The following TMEM54 variants were observed in gnomAD, a reference collection of about 807,000 sequenced individuals.
TMEM54 encodes transmembrane protein 54, also known as beta-casein-like protein.
A neutral mutation model predicts 21.3 loss-of-function variants in TMEM54; 21 were observed. The ratio of observed to expected loss-of-function variants is 0.99; its 90% CI spans 0.70 to 1.42. The LOEUF (loss-of-function observed/expected upper bound fraction) is 1.42, where lower values mean the gene tolerates loss of function less well. Among genes scored for constraint, TMEM54 ranks in the 40% most tolerant of loss-of-function variants. The pLI is 0.00. For missense variants in TMEM54, 246 were observed against 294.0 expected (o/e 0.84, Z 1.19); for synonymous variants, 109 against 125.0 (o/e 0.87, Z 0.86).
rs1404201511 is a variant in TMEM54 at position 32,895,544 on chromosome 1, T to A, written c.459+11A>T. Reference sequence around the variant, plus strand: ...GGGCCTGGTGCCCCTACTCCAGGCCTAGGTACTCACATAAATGCGTGTGGG... The same window carrying A: ...GGGCCTGGTGCCCCTACTCCAGGCCAAGGTACTCACATAAATGCGTGTGGG... On this transcript the variant is annotated intron_variant, in intron 4 of 5. Coordinates refer to ENST00000373463, the MANE Select transcript of TMEM54 (RefSeq NM_033504.4). The surrounding 1 kb of genome is among the most constrained non-coding windows in gnomAD (Gnocchi z 5.8). 6.3e-7 allele frequency: 1 copy of A among 1,592,804 alleles called. No individual in the cohort carries two copies. Among genetic ancestry groups the A allele is most frequent in the Admixed American group, 1.8e-5 (1 of 55,952 alleles).
intron 1 of TMEM54, among the ~76,000 whole-genome samples, chr1:32,899,391 GAAAAAAA>G (rs11284140): frequency 8.1e-6 from 1 of 122,998 alleles, no homozygotes. Context: ...CTCTGCAGCT[GAAAAAAA>G]AAAAAAAAAA....
At position 32,897,272 on chromosome 1, in the gene TMEM54, C is replaced by G. The variant is rs751244780; in HGVS notation, c.210+854G>C. Among the ~76,000 whole-genome samples, 2 of 152,196 alleles carry G rather than the reference C, an allele frequency of 1.3e-5. No homozygotes were observed. The highest frequency in any genetic ancestry group is 2.9e-5 in the Non-Finnish European group (2 of 68,032). On this transcript the variant is annotated intron_variant, in intron 2 of 5. Transcript: ENST00000373463. The surrounding 1 kb of genome is among the most constrained non-coding windows in gnomAD (Gnocchi z 4.9). ...AGCAGGCTGTCTGAGCTTTATTTTG[C>G]AAGGGAGGAACAGGCCTAGAGAGAG...
chr1:32,895,746 G>T lies in TMEM54; in HGVS notation c.271-3C>A, dbSNP rs199763115. The T allele has an allele frequency of 2.9e-4, 458 of 1,554,260 alleles. 2 individuals are homozygous for T. The African/African-American group carries it at 4.8e-3, about 16-fold the overall frequency. On this transcript the variant is annotated splice_region_variant and splice_polypyrimidine_tract_variant and intron_variant, in intron 3 of 5. Coordinates refer to ENST00000373463, the MANE Select transcript of TMEM54 (RefSeq NM_033504.4). This position sits in a 1 kb window ranked among gnomAD's most constrained non-coding sequence, Gnocchi z 5.8. ...CTCGAGCTAAACACTGTCCAGCGCT[G>T]GACGGGGGAGGCCACTGGTCAATGG...
At position 32,901,176 on chromosome 1, in the gene TMEM54, G is replaced by C; in HGVS notation, c.16+47C>G. ...CGGGCTCAGTGCTCCGCTCCTGTGG[G>C]AGGGTTGGGGTGGTTCGGGGCCTCC... On this transcript the variant is annotated intron_variant, in intron 1 of 5. Coordinates refer to ENST00000373463, the MANE Select transcript of TMEM54 (RefSeq NM_033504.4). The surrounding 1 kb of genome is among the most constrained non-coding windows in gnomAD (Gnocchi z 4.2). The C allele has an allele frequency of 2.1e-6, 3 of 1,453,090 alleles. No individual in the cohort carries two copies. Among genetic ancestry groups the C allele is most frequent in the Non-Finnish European group, 2.8e-6 (3 of 1,085,890 alleles). 90.0% of individuals were successfully genotyped at this position (1,453,090 alleles called of 1,614,324 possible). A position where few individuals can be genotyped will look rare whatever the true frequency, so the allele number is the denominator to read the frequency against.
rs1377199207 is a variant in TMEM54 at position 32,898,185 on chromosome 1, C to T, written c.151G>A (p.Asp51Asn). ...ACGCAGTACTGCAGAGCCACCGCAT[C>T]TTGAGGGGTGCCCACGTAGCGCAGC... ...TVLRYVGTPQ[D>N]AVALQYCVVN... The change falls in exon 2 of 6, where the codon GAT becomes AAT. Residue 51 changes from aspartate (D) to asparagine (N), a missense_variant. Transcript: ENST00000373463. 1.2e-6 allele frequency: 2 copies of T among 1,612,746 alleles called. No individual in the cohort carries two copies. Among genetic ancestry groups the T allele is most frequent in the African/African-American group, 2.7e-5 (2 of 74,910 alleles).
chr1:32,900,343 G>A (rs375830776), intron 1 of TMEM54, among the ~76,000 whole-genome samples: 17 of 152,164 alleles, frequency 1.1e-4, no homozygotes, highest in African/African-American at 3.4e-4. Context: ...GGGCTCAGGT[G>A]ATCCTTCCAC....
rs1343287074 is a variant in TMEM54 at position 32,898,196 on chromosome 1, C to A, written c.140G>T (p.Gly47Val). 6.2e-7 allele frequency: 1 copy of A among 1,613,032 alleles called. No individual in the cohort carries two copies. The highest frequency in any genetic ancestry group is 1.1e-5 in the South Asian group (1 of 91,066). The change falls in exon 2 of 6, where the codon GGC (glycine) becomes GTC (valine). Residue 47 changes from glycine to valine, a missense_variant. Coordinates refer to ENST00000373463, the MANE Select transcript of TMEM54 (RefSeq NM_033504.4). ...LFHGTVLRYVGTPQDAVALQY... is the reference protein window; with the variant it reads ...LFHGTVLRYVVTPQDAVALQY... ...CAGAGCCACCGCATCTTGAGGGGTG[C>A]CCACGTAGCGCAGCACTGTGCCATG...
intron 1 of TMEM54, among the ~76,000 whole-genome samples, chr1:32,899,517 T>C (rs1361686249): frequency 6.6e-6 from 1 of 151,726 alleles, no homozygotes; most frequent in Non-Finnish European, 1.5e-5. Flanking sequence ...CTGATGAACA[T>C]AGCAAGATCC....
At position 32,896,036 on chromosome 1, in the gene TMEM54, C is replaced by T; in HGVS notation, c.211-67G>A. On this transcript the variant is annotated intron_variant, in intron 2 of 5. Coordinates refer to ENST00000373463, the MANE Select transcript of TMEM54 (RefSeq NM_033504.4). This position sits in a 1 kb window ranked among gnomAD's most constrained non-coding sequence, Gnocchi z 4.1. ...GGAACAGGGGCAGGGGGATCAGGGC[C>T]ACTCTGGGATAATGATCTCACCGGC... 1 of 1,545,752 alleles carries T rather than the reference C, an allele frequency of 6.5e-7. No homozygotes were observed. The highest frequency in any genetic ancestry group is 8.8e-7 in the Non-Finnish European group (1 of 1,136,526).
In TMEM54 at chr1:32,894,797, A is replaced by G; in HGVS notation, c.*8T>C. ...AGTGGCCATCGGGCCTGGGCAGGACATCATCTCTCAGAGGGTCAGAGGCTC... is the reference window on the plus strand; with the variant it reads ...AGTGGCCATCGGGCCTGGGCAGGACGTCATCTCTCAGAGGGTCAGAGGCTC... On this transcript the variant is annotated 3_prime_UTR_variant, in exon 6 of 6. Transcript: ENST00000373463. 1 of 1,608,796 alleles carries G rather than the reference A, an allele frequency of 6.2e-7. No individual in the cohort carries two copies. The highest frequency in any genetic ancestry group is 8.5e-7 in the Non-Finnish European group (1 of 1,175,680).
At position 32,896,306 on chromosome 1, in the gene TMEM54, G is replaced by C. The variant is rs1471180033; in HGVS notation, c.211-337C>G. 1 of 228,582 alleles carries C rather than the reference G, an allele frequency of 4.4e-6. No individual in the cohort carries two copies. The highest frequency in any genetic ancestry group is 5.6e-5 in the Admixed American group (1 of 17,770). The allele number at this position is 228,582 out of a possible 1,614,324, so 14.2% of individuals were successfully genotyped here. The stretch of plus-strand genomic sequence containing the variant: ...CCTTTCTGGAATGAAAAAGATTGTG[G>C]AAGAAACTAACCCAGTTAGCAAGGA... On this transcript the variant is annotated intron_variant, in intron 2 of 5. Transcript: ENST00000373463. This position sits in a 1 kb window ranked among gnomAD's most constrained non-coding sequence, Gnocchi z 4.1.
rs1641599842 is a variant in TMEM54, at chr1:32,896,312, A to G, written c.211-343T>C. ...TGGAATGAAAAAGATTGTGGAAGAA[A>G]CTAACCCAGTTAGCAAGGAACTAAA... On this transcript the variant is annotated intron_variant, in intron 2 of 5. Transcript: ENST00000373463. The surrounding 1 kb of genome is among the most constrained non-coding windows in gnomAD (Gnocchi z 4.1). The G allele has an allele frequency of 9.1e-6, 2 of 219,758 alleles. No homozygotes were observed. Among genetic ancestry groups the G allele is most frequent in the African/African-American group, 4.6e-5 (2 of 43,898 alleles). 13.6% of individuals were successfully genotyped at this position (219,758 alleles called of 1,614,324 possible).
chr1:32,895,408 A>G lies in TMEM54; in HGVS notation c.491T>C (p.Leu164Pro), dbSNP rs376607828. 5.3e-5 allele frequency: 85 copies of G among 1,613,774 alleles called. No homozygotes were observed. The highest frequency in any genetic ancestry group is 1.7e-4 in the Middle Eastern group (1 of 6,058). The change falls in exon 5 of 6, where the codon CTA becomes CCA. Residue 164 changes from leucine (L) to proline (P), a missense_variant. Transcript: ENST00000373463. The surrounding 1 kb of genome is among the most constrained non-coding windows in gnomAD (Gnocchi z 5.8). The part of the protein sequence containing the change: ...SSSLCLWGIA[L>P]VLCVAENVFA... Reference sequence around the variant, plus strand: ...CACGTTCTCCGCCACGCAGAGCACTAGGGCGATGCCCCAGAGGCACAGGCT... The same window carrying G: ...CACGTTCTCCGCCACGCAGAGCACTGGGGCGATGCCCCAGAGGCACAGGCT...
rs1166880565 is a variant in TMEM54, at chr1:32,895,067, CT to C, written c.595-189del. The C allele has an allele frequency of 4.7e-6, 4 of 859,816 alleles. No homozygotes were observed. The East Asian group carries it at 4.9e-4, about 105-fold the overall frequency. 53.3% of individuals were successfully genotyped at this position (859,816 alleles called of 1,614,324 possible). On this transcript the variant is annotated intron_variant, in intron 5 of 5. Coordinates refer to ENST00000373463, the MANE Select transcript of TMEM54 (RefSeq NM_033504.4). The surrounding 1 kb of genome is among the most constrained non-coding windows in gnomAD (Gnocchi z 5.8). ...GCCCTCAGTGCGAGCCCAGACACCC[CT>C]GCCCCTCCCTCAAGACTCATCCTGG...
At chr1:32,899,613 A>G (rs1641680774) in intron 1 of TMEM54, among the ~76,000 whole-genome samples, 1 of 152,220 alleles carries the variant, frequency 6.6e-6, no homozygotes, top group Admixed American at 6.5e-5. Context: ...AGGCTGAGGC[A>G]GAAGGATCTT....
At position 32,895,172 on chromosome 1, in the gene TMEM54, G is replaced by T; in HGVS notation, c.594+133C>A. The stretch of plus-strand genomic sequence containing the variant: ...TCCCAGCCTCCAGGCCTCTCCCTTT[G>T]CTCCTGGGGAGAAAACTTCTGCCCC... On this transcript the variant is annotated intron_variant, in intron 5 of 5. Coordinates refer to ENST00000373463, the MANE Select transcript of TMEM54 (RefSeq NM_033504.4). The surrounding 1 kb of genome is among the most constrained non-coding windows in gnomAD (Gnocchi z 5.8). The T allele has an allele frequency of 7.5e-7, 1 of 1,337,278 alleles. No homozygotes were observed. Among genetic ancestry groups the T allele is most frequent in the Non-Finnish European group, 1.0e-6 (1 of 996,488 alleles). 82.8% of individuals were successfully genotyped at this position (1,337,278 alleles called of 1,614,324 possible).
rs181663916 is a variant in TMEM54 at position 32,894,775 on chromosome 1, G to A, written c.*30C>T. On this transcript the variant is annotated 3_prime_UTR_variant, in exon 6 of 6. Coordinates refer to ENST00000373463, the MANE Select transcript of TMEM54 (RefSeq NM_033504.4). ...GCAGAGTTGCTTGCAGGGTCCTAGTGGCCATCGGGCCTGGGCAGGACATCA... is the reference window on the plus strand; with the variant it reads ...GCAGAGTTGCTTGCAGGGTCCTAGTAGCCATCGGGCCTGGGCAGGACATCA... 654 of 1,600,836 alleles carry A rather than the reference G, an allele frequency of 4.1e-4. No individual in the cohort carries two copies. In the Middle Eastern group the frequency reaches 4.2e-3, roughly 10 times the overall value.
At chr1:32,898,635 C>G (rs1334592213) in intron 1 of TMEM54, among the ~76,000 whole-genome samples, 3 of 152,148 alleles carry the variant, frequency 2.0e-5, no homozygotes, top group Non-Finnish European at 2.9e-5. Context: ...CGAGATCCTC[C>G]CACTAAGCTA....
Position 32,897,600 on chromosome 1 carries a change from C to T in TMEM54, c.210+526G>A, listed in dbSNP as rs1641630130. The T allele has an allele frequency of 6.5e-6, 1 of 152,840 alleles. No individual in the cohort carries two copies. The highest frequency in any genetic ancestry group is 6.5e-5 in the Admixed American group (1 of 15,338). 9.5% of individuals were successfully genotyped at this position (152,840 alleles called of 1,614,324 possible). On this transcript the variant is annotated intron_variant, in intron 2 of 5. Coordinates refer to ENST00000373463, the MANE Select transcript of TMEM54 (RefSeq NM_033504.4). The surrounding 1 kb of genome is among the most constrained non-coding windows in gnomAD (Gnocchi z 4.9). ...ATTTCCACCTCCAACCTTCCCGTCT[C>T]CCATTCTCTGTACTCGGAATGCCAT...
Sources: gnomAD v4.1 joint callset for allele counts (sites outside exome capture counted in the v4.1 genomes callset) on GRCh38, gnomAD v4.1.1 for gene constraint, Gnocchi (gnomAD v3.1) non-coding constraint, MANE v1.5 for transcripts, NCBI Gene and HGNC (gene_info 2026-07-23, HGNC 2026-07-21) for gene names.